LNPK: variants seen among roughly 807,000 people sequenced by gnomAD.
LNPK encodes the protein lunapark, ER junction formation factor, also known as endoplasmic reticulum junction formation protein lunapark.
Under a neutral mutation model 55.2 loss-of-function variants are expected in LNPK, and 29 were observed. That is an observed-to-expected ratio of 0.53 (90% CI 0.39 to 0.72). LNPK has a LOEUF of 0.72. Among genes scored for constraint, LNPK ranks in the 30% least tolerant of loss-of-function variants. The pLI is 0.00. For synonymous variants in LNPK, 162 were observed against 168.2 expected (o/e 0.96, Z 0.29); for missense variants, 467 against 494.8 (o/e 0.94, Z 0.53).
At chr2:175,935,747 A>G in intron 12 of LNPK, 1 of 976,944 alleles carries the variant, frequency 1.0e-6, no homozygotes, top group Non-Finnish European at 1.2e-6. Flanking sequence ...ACTTCTTTCC[A>G]GGAATTTCAG....
chr2:175,947,731 A>G (rs551475804), intron 8 of LNPK, 39 bp from the exon 9 acceptor site: 18 of 1,411,934 alleles, frequency 1.3e-5, no homozygotes, highest in Middle Eastern at 2.3e-4. Flanking sequence ...AATTTCCAAT[A>G]TACCATATTA....
In LNPK at chr2:175,946,516, T is replaced by C. The variant is rs1016273673; in HGVS notation, c.706+964A>G. On this transcript the variant is annotated intron_variant, in intron 9 of 12. Transcript: ENST00000272748. ...ATAGTCAGTATTCTTAATTTGTTAA[T>C]AAATGAAGAGTTTTTTTAGTCTTCT... Among the ~76,000 whole-genome samples the C allele has an allele frequency of 5.9e-5, 9 of 152,140 alleles. No individual in the cohort carries two copies. In the East Asian group the frequency reaches 9.6e-4, roughly 16 times the overall value.
intron 5 of LNPK, among the ~76,000 whole-genome samples, chr2:175,977,169 A>T (rs1229815703): frequency 6.6e-6 from 1 of 152,226 alleles, no homozygotes; most frequent in Non-Finnish European, 1.5e-5. Flanking sequence ...TGGACTAAAG[A>T]CTTAGATTTG....
intron 9 of LNPK, among the ~76,000 whole-genome samples, chr2:175,942,094 C>T (rs1393564135): frequency 6.6e-6 from 1 of 151,062 alleles, no homozygotes; most frequent in Non-Finnish European, 1.5e-5. Context: ...GTCCTTCAGG[C>T]AGAAGGAAAG....
chr2:175,933,033 C>T (rs190989273), intron 12 of LNPK, among the ~76,000 whole-genome samples: 19 of 152,104 alleles, frequency 1.2e-4, no homozygotes, highest in African/African-American at 3.9e-4. Context: ...ATTTTAAAAT[C>T]GACTCTGGCA....
In LNPK at chr2:175,947,656, G is replaced by T; in HGVS notation, c.530C>A (p.Ser177Tyr). ...RQRTAAQRNL[S>Y]PTPASPNQGP... ...CTGGTTAGGGCTTGCTGGTGTTGGA[G>T]AAAGGTTTCTTTGAGCTGCAGTTCG... is the stretch of plus-strand genomic sequence containing the variant. The change falls in exon 9 of 13, where the codon TCT (serine) becomes TAT (tyrosine). Residue 177 changes from serine to tyrosine, a missense_variant. Transcript: ENST00000272748. The T allele has an allele frequency of 6.2e-7, 1 of 1,613,550 alleles. No homozygotes were observed. Among genetic ancestry groups the T allele is most frequent in the Non-Finnish European group, 8.5e-7 (1 of 1,179,760 alleles).
chr2:175,947,519 T>G lies in LNPK; in HGVS notation c.667A>C (p.Arg223=), dbSNP rs747893191. 6.2e-7 allele frequency: 1 copy of G among 1,613,950 alleles called. No individual in the cohort carries two copies. The highest frequency in any genetic ancestry group is 1.7e-5 in the Admixed American group (1 of 60,026). Residue 223 remains arginine (R), a synonymous_variant, in exon 9 of 13, where the codon AGA becomes CGA. Coordinates refer to ENST00000272748, the MANE Select transcript of LNPK (RefSeq NM_030650.3). ...TPALSSNVLP[R]HLGSPATSVP... ...GAAGTAGCAGGGGATCCAAGATGTC[T>G]TGGTAACACATTTGATGATAGGGCT...
At chr2:175,997,905 AT>A (rs34249944) in intron 1 of LNPK, among the ~76,000 whole-genome samples, 325 of 141,792 alleles carry the variant, frequency 2.3e-3, no homozygotes, top group Non-Finnish European at 2.3e-3. Flanking sequence ...CACCCGGCTA[AT>A]TTTTTTTTTT....
intron 8 of LNPK, among the ~76,000 whole-genome samples, chr2:175,962,706 G>A (rs1686106753): frequency 6.6e-6 from 1 of 152,114 alleles, no homozygotes; most frequent in Admixed American, 6.5e-5. Context: ...AGACAAATGG[G>A]ATCTAATTAA....
chr2:176,001,360 G>A (rs1189745669), intron 1 of LNPK, among the ~76,000 whole-genome samples: 2 of 152,106 alleles, frequency 1.3e-5, no homozygotes, highest in African/African-American at 2.4e-5. Context: ...AGGCCAACTG[G>A]GAAAAGCAGA....
At chr2:175,930,828 C>A (rs940540085) in intron 12 of LNPK, among the ~76,000 whole-genome samples, 1 of 152,084 alleles carries the variant, frequency 6.6e-6, no homozygotes, top group African/African-American at 2.4e-5. Flanking sequence ...ACCTCTGGGT[C>A]AGAATGTACT....
chr2:175,941,557 C>T (rs891488658), intron 9 of LNPK, among the ~76,000 whole-genome samples: 2 of 151,012 alleles, frequency 1.3e-5, no homozygotes, highest in Non-Finnish European at 1.5e-5. Context: ...CTTTAGGAGG[C>T]CGAGGTGGGC....
intron 8 of LNPK, among the ~76,000 whole-genome samples, chr2:175,962,849 A>C (rs1376775637): frequency 6.6e-6 from 1 of 151,876 alleles, no homozygotes; most frequent in East Asian, 1.9e-4. Flanking sequence ...AACTCAAACA[A>C]ATTTACAAGA....
At chr2:175,960,336 G>A (rs773825255) in intron 8 of LNPK, among the ~76,000 whole-genome samples, 2 of 152,240 alleles carry the variant, frequency 1.3e-5, no homozygotes, top group Admixed American at 1.3e-4. Context: ...AAATGTAAAA[G>A]AACAGAAATC....
At chr2:175,968,230 T>C (rs1056564360) in intron 6 of LNPK, among the ~76,000 whole-genome samples, 2 of 152,210 alleles carry the variant, frequency 1.3e-5, no homozygotes, top group Non-Finnish European at 2.9e-5. Flanking sequence ...GTAACATCTG[T>C]AGTTGATTGT....
intron 5 of LNPK, among the ~76,000 whole-genome samples, chr2:175,972,519 G>A (rs1003340852): frequency 1.3e-5 from 2 of 151,954 alleles, no homozygotes; most frequent in African/African-American, 2.4e-5. Context: ...TATAATAATT[G>A]AGTTCAATTT....
intron 8 of LNPK, among the ~76,000 whole-genome samples, chr2:175,962,604 G>C (rs1299678170): frequency 1.3e-5 from 2 of 152,116 alleles, no homozygotes; most frequent in African/African-American, 2.4e-5. Context: ...AAAAAACCTA[G>C]AAGAAAACCT....
upstream of LNPK, chr2:176,002,340 G>A: frequency 2.4e-6 from 1 of 417,934 alleles, no homozygotes. Flanking sequence ...GTCGGCGCGC[G>A]CCGCTCCCCC....
In LNPK at chr2:175,947,504, G is replaced by A. The variant is rs147224445; in HGVS notation, c.682C>T (p.Pro228Ser). The change falls in exon 9 of 13, where the codon CCT (proline) becomes TCT (serine). Residue 228 changes from proline to serine, a missense_variant. Pro to Ser is a moderately conservative substitution (Grantham distance 74). Coordinates refer to ENST00000272748, the MANE Select transcript of LNPK (RefSeq NM_030650.3). ...SNVLPRHLGS[P>S]ATSVPGMGLH... ...CCCATTCCAGGCACTGAAGTAGCAGGGGATCCAAGATGTCTTGGTAACACA... is the reference window on the plus strand; with the variant it reads ...CCCATTCCAGGCACTGAAGTAGCAGAGGATCCAAGATGTCTTGGTAACACA... 341 of 1,613,598 alleles carry A rather than the reference G, an allele frequency of 2.1e-4. 1 individual carries two copies. Among genetic ancestry groups the A allele is most frequent in the Non-Finnish European group, 2.7e-4 (315 of 1,179,860 alleles).
Sources: allele counts gnomAD v4.1 joint callset (sites outside exome capture counted in the v4.1 genomes callset), GRCh38; gene constraint gnomAD v4.1.1; transcripts MANE v1.5; gene names NCBI Gene and HGNC (gene_info 2026-07-23, HGNC 2026-07-21).